AP4B1: variants seen among roughly 807,000 people sequenced by gnomAD.
The protein encoded by AP4B1 is adaptor related protein complex 4 subunit beta 1.
Under a neutral mutation model 76.5 loss-of-function variants are expected in AP4B1, and 49 were observed. That is an observed-to-expected ratio of 0.64 (90% CI 0.51 to 0.81). AP4B1 has a LOEUF of 0.81. Ranked by LOEUF, AP4B1 falls within the 40% of genes least tolerant of loss-of-function variation. The pLI is 0.00. For synonymous variants in AP4B1, 330 were observed against 333.3 expected, an observed-to-expected ratio of 0.99 and a Z score of 0.11; for missense variants, 911 against 904.9, an observed-to-expected ratio of 1.01 and a Z score of -0.09.
rs1171809890 is a variant in AP4B1 at position 113,901,898 on chromosome 1, T to G, written c.339-13A>C. On this transcript the variant is annotated splice_polypyrimidine_tract_variant and intron_variant, in intron 2 of 9. Transcript: ENST00000369569. ...CACACCAGGCATCCTAAGCAACACA[T>G]CCTGGAGTTAGCCAGATTCTGAAAT... 1 of 1,614,036 alleles carries G rather than the reference T, an allele frequency of 6.2e-7. No individual in the cohort carries two copies.
intron 6 of AP4B1, 102 bp downstream of exon 6, chr1:113,898,616 A>C: frequency 2.2e-6 from 2 of 911,760 alleles, no homozygotes; most frequent in South Asian, 2.6e-5. Context: ...GGAAAAGTTC[A>C]AATCTCTATA....
chr1:113,896,580 C>T, intron 7 of AP4B1, 115 bp from the exon 8 acceptor site: 2 of 900,832 alleles, frequency 2.2e-6, no homozygotes, highest in East Asian at 4.9e-5. Flanking sequence ...AAGGTGTAAT[C>T]TTTAGTTTAC....
intron 1 of AP4B1, among the ~76,000 whole-genome samples, chr1:113,903,788 T>G (rs1668610644): frequency 6.6e-6 from 1 of 152,170 alleles, no homozygotes; most frequent in South Asian, 2.1e-4. Context: ...TGTGATAAGT[T>G]TGGACTTTAT....
rs1480000484 is a variant in AP4B1 at position 113,895,359 on chromosome 1, A to G, written c.1926T>C (p.His642=). 3 of 1,614,248 alleles carry G rather than the reference A, an allele frequency of 1.9e-6. No individual in the cohort carries two copies. Among genetic ancestry groups the G allele is most frequent in the Non-Finnish European group, 2.5e-6 (3 of 1,180,050 alleles). The stretch of plus-strand genomic sequence containing the variant: ...CTCCCCGCCAAGGCAACACTTGCTG[A>G]TGAGCAACTTTAAGGCTAAGCCAAG... The part of the protein sequence containing the change: ...EKTWLSLKVA[H]QQVLPWRGEF... Residue 642 remains histidine, a synonymous_variant, in exon 10 of 10, where the codon CAT becomes CAC. Coordinates refer to ENST00000369569, the MANE Select transcript of AP4B1 (RefSeq NM_001253852.3).
chr1:113,900,187 G>A lies in AP4B1; in HGVS notation c.831C>T (p.Val277=), dbSNP rs1413253844. 1.2e-6 allele frequency: 2 copies of A among 1,614,068 alleles called. No homozygotes were observed. Among genetic ancestry groups the A allele is most frequent in the Non-Finnish European group, 1.7e-6 (2 of 1,180,030 alleles). Residue 277 remains valine, a synonymous_variant, in exon 5 of 10, where the codon GTC becomes GTT. Transcript: ENST00000369569. ...PHVQTDVLVR[V]KGPLLAACSS... is the part of the protein sequence containing the mutation. ...AACAGGCAGCTAGCAAAGGTCCCTT[G>A]ACCCGCACAAGGACATCAGTTTGTA...
Position 113,901,830 on chromosome 1 carries a change from T to C in AP4B1, c.394A>G (p.Lys132Glu). Reference sequence around the variant, plus strand: ...GCCACTCTCCTGACATATGAAGCCTTATCCCGCAGACCATTGAGAATAGGC... The same window carrying C: ...GCCACTCTCCTGACATATGAAGCCTCATCCCGCAGACCATTGAGAATAGGC... ...QQPILNGLRD[K>E]ASYVRRVAVL... Residue 132 changes from lysine (K) to glutamate (E), a missense_variant, in exon 3 of 10, where the codon AAG (lysine) becomes GAG (glutamate). Physicochemically the swap from Lys to Glu is moderately conservative, Grantham distance 56 (BLOSUM62 1). Coordinates refer to ENST00000369569, the MANE Select transcript of AP4B1 (RefSeq NM_001253852.3). 6.2e-7 allele frequency: 1 copy of C among 1,614,166 alleles called. No homozygotes were observed. Among genetic ancestry groups the C allele is most frequent in the African/African-American group, 1.3e-5 (1 of 75,042 alleles).
Position 113,901,271 on chromosome 1 carries a change from GACA to G in AP4B1, c.579_581del (p.Val194del), listed in dbSNP as rs750563520. 12 of 1,614,030 alleles carry G rather than the reference GACA, an allele frequency of 7.4e-6. No homozygotes were observed. The highest frequency in any genetic ancestry group is 1.7e-5 in the Admixed American group (1 of 60,002). On this transcript the variant is annotated inframe_deletion, in exon 4 of 10. Coordinates refer to ENST00000369569, the MANE Select transcript of AP4B1 (RefSeq NM_001253852.3). ...GATGGTGAGCAATGGGCTTATTGAT[GACA>G]ACGCCTCCTTCCTGTTTCAGAATTT...
Position 113,899,938 on chromosome 1 carries a change from A to G in AP4B1, c.1080T>C (p.Ser360=), listed in dbSNP as rs1668008698. The change falls in exon 5 of 10, where the codon TCT becomes TCC. Residue 360 remains serine, a synonymous_variant. Coordinates refer to ENST00000369569, the MANE Select transcript of AP4B1 (RefSeq NM_001253852.3). ...EELRGYCTDV[S]ADFAQAAIFA... is the part of the protein sequence containing the mutation. ...AGATGGCAGCCTGTGCAAAGTCCGC[A>G]GACACATCCGTGCAGTACCCTCGAA... The G allele has an allele frequency of 3.7e-6, 6 of 1,614,236 alleles. No homozygotes were observed. The highest frequency in any genetic ancestry group is 5.1e-6 in the Non-Finnish European group (6 of 1,180,034).
At position 113,896,326 on chromosome 1, in the gene AP4B1, A is replaced by C; in HGVS notation, c.1442T>G (p.Leu481Arg). Reference sequence around the variant, plus strand: ...AGCAGGTCGGGAGAGGAAAAGGCGCAGCAAAGCAGTGAGCAGCTCCATCTT... The same window carrying C: ...AGCAGGTCGGGAGAGGAAAAGGCGCCGCAAAGCAGTGAGCAGCTCCATCTT... ...AVKMELLTAL[L>R]RLFLSRPAEC... is the part of the protein sequence containing the mutation. The change falls in exon 8 of 10, where the codon CTG (leucine) becomes CGG (arginine). Residue 481 changes from leucine (L) to arginine (R), a missense_variant. Transcript: ENST00000369569. The C allele has an allele frequency of 6.2e-7, 1 of 1,614,250 alleles. No individual in the cohort carries two copies. The highest frequency in any genetic ancestry group is 8.5e-7 in the Non-Finnish European group (1 of 1,180,038).
chr1:113,895,624 C>T, intron 9 of AP4B1, 132 bp from the exon 10 acceptor site: 1 of 1,527,438 alleles, frequency 6.5e-7, no homozygotes, highest in Non-Finnish European at 9.0e-7. Flanking sequence ...AGTGACGAAC[C>T]TCTTTCTTGC....
Position 113,894,967 on chromosome 1 carries a change from G to T in AP4B1, c.*98C>A. 2 of 1,299,860 alleles carry T rather than the reference G, an allele frequency of 1.5e-6. No individual in the cohort carries two copies. Among genetic ancestry groups the T allele is most frequent in the Non-Finnish European group, 1.1e-6 (1 of 938,680 alleles). 80.5% of individuals were successfully genotyped at this position (1,299,860 alleles called of 1,614,324 possible). ...ATTTCTAGATTTTCCACTCTCCTTT[G>T]TATCTGATATTATCTGGACTTACTG... On this transcript the variant is annotated 3_prime_UTR_variant, in exon 10 of 10. Coordinates refer to ENST00000369569, the MANE Select transcript of AP4B1 (RefSeq NM_001253852.3).
rs145182838 is a variant in AP4B1, at chr1:113,898,727, T to C, written c.1189A>G (p.Ile397Val). 7.7e-4 allele frequency: 1,238 copies of C among 1,609,252 alleles called. 14 individuals carry two copies. The African/African-American group carries it at 0.015, about 19-fold the overall frequency. ...TELLGLRQEH[I>V]TTVVVQTFRD... ...AAAAGGCAGGCATTACCTGTGGTAA[T>C]GTGCTCTTGTCGAAGACCCAGCAAC... The change falls in exon 6 of 10, where the codon ATT (isoleucine) becomes GTT (valine). Residue 397 changes from isoleucine (I) to valine (V), a missense_variant. By Grantham distance (29) the Ile-to-Val change is conservative. Coordinates refer to ENST00000369569, the MANE Select transcript of AP4B1 (RefSeq NM_001253852.3).
At chr1:113,898,303 T>C (rs1411165128) in intron 6 of AP4B1, among the ~76,000 whole-genome samples, 1 of 152,154 alleles carries the variant, frequency 6.6e-6, no homozygotes, top group East Asian at 1.9e-4. Flanking sequence ...TGCCTAGGGT[T>C]CAAAATTGAA....
intron 5 of AP4B1, 58 bp downstream of exon 5, chr1:113,899,846 C>T: frequency 1.2e-6 from 2 of 1,613,766 alleles, no homozygotes; most frequent in Non-Finnish European, 1.7e-6. Flanking sequence ...TTCCTCTAAC[C>T]ACAGTTTTCT....
At chr1:113,900,532 TA>T (rs1428886608) in intron 4 of AP4B1, 132 bp from the exon 5 acceptor site, 1 of 1,108,370 alleles carries the variant, frequency 9.0e-7, no homozygotes, top group Non-Finnish European at 1.3e-6. Context: ...GTGCCATAAT[TA>T]AGTCACTTTT....
At chr1:113,904,569 G>A (rs1668731862) in intron 1 of AP4B1, 36 bp downstream of exon 1, 3 of 1,594,034 alleles carry the variant, frequency 1.9e-6, no homozygotes, top group African/African-American at 2.7e-5. Context: ...GGATTGCAAA[G>A]GGAGCAGTTA....
rs1049693376 is a variant in AP4B1, at chr1:113,901,768, T to G, written c.456A>C (p.Gly152=). 4 of 1,614,066 alleles carry G rather than the reference T, an allele frequency of 2.5e-6. No individual in the cohort carries two copies. In the Admixed American group the frequency reaches 6.7e-5, roughly 27 times the overall value. The change falls in exon 3 of 10, where the codon GGA becomes GGC. Residue 152 remains glycine, a synonymous_variant. Transcript: ENST00000369569. ...CACTGAACTTACCTACTTCAGAGTC[T>G]CCATGAAGATTATGCATCTTGGCAC... is the stretch of plus-strand genomic sequence containing the variant. The part of the protein sequence containing the change: ...LGCAKMHNLH[G]DSEVDGALVN...
intron 7 of AP4B1, chr1:113,896,900 T>C (rs1310183): frequency 0.38 from 75,851 of 201,634 alleles, 17,933 homozygotes; most frequent in African/African-American, 0.71. Flanking sequence ...TCCCAGCACT[T>C]TGGGAGGCCG....
rs972717080 is a variant in AP4B1, at chr1:113,900,512, A to C, written c.618-112T>G. ...CATCATAGCAAAGGGAGAATTCTTA[A>C]AAATAGGCTGTGCCATAATTAAGTC... On this transcript the variant is annotated intron_variant, in intron 4 of 9. Coordinates refer to ENST00000369569, the MANE Select transcript of AP4B1 (RefSeq NM_001253852.3). The C allele has an allele frequency of 3.1e-6, 4 of 1,284,832 alleles. No homozygotes were observed. The South Asian group carries it at 5.3e-5, about 17-fold the overall frequency. The allele number at this position is 1,284,832 out of a possible 1,614,324, so 79.6% of individuals were successfully genotyped here. A position where few individuals can be genotyped will look rare whatever the true frequency, so the allele number is the denominator to read the frequency against.
Sources: gnomAD v4.1 joint callset for allele counts (sites outside exome capture counted in the v4.1 genomes callset) on GRCh38, gnomAD v4.1.1 for gene constraint, MANE v1.5 for transcripts, NCBI Gene and HGNC (gene_info 2026-07-23, HGNC 2026-07-21) for gene names.